The following PCNT variants were observed in gnomAD, a reference collection of about 807,000 sequenced individuals.
The protein encoded by PCNT is pericentrin, also known as kendrin.
In PCNT, 319 loss-of-function variants were observed where a neutral mutation model predicts 380.4. That is an observed-to-expected ratio of 0.84 (90% CI 0.77 to 0.92). PCNT has a LOEUF of 0.92. Ranked by LOEUF, PCNT falls within the 40% of genes least tolerant of loss-of-function variation. The pLI is 0.00. For synonymous variants in PCNT, 1,845 were observed against 1,735.2 expected, an observed-to-expected ratio of 1.06 and a Z score of -1.57; for missense variants, 4,400 against 4,255.3, an observed-to-expected ratio of 1.03 and a Z score of -0.95.
chr21:46,413,537 A>G (rs1478502605), intron 29 of PCNT, among the ~76,000 whole-genome samples: 1 of 152,238 alleles, frequency 6.6e-6, no homozygotes, highest in Non-Finnish European at 1.5e-5. Flanking sequence ...GAAATTTCGT[A>G]CGTGCTTCAT....
Position 46,357,064 on chromosome 21 carries a change from A to C in PCNT, c.2027A>C (p.Glu676Ala). 1 of 1,614,194 alleles carries C rather than the reference A, an allele frequency of 6.2e-7. No homozygotes were observed. The highest frequency in any genetic ancestry group is 8.5e-7 in the Non-Finnish European group (1 of 1,180,002). Reference sequence around the variant, plus strand: ...GCCAGAGTCTTGGGTCTGGAAACTGAGCACAAGGTGCAACTTTCGCTTCTT... The same window carrying C: ...GCCAGAGTCTTGGGTCTGGAAACTGCGCACAAGGTGCAACTTTCGCTTCTT... ...RAARVLGLET[E>A]HKVQLSLLQT... Residue 676 changes from glutamate (E) to alanine (A), a missense_variant, in exon 13 of 47, where the codon GAG becomes GCG. Coordinates refer to ENST00000359568, the MANE Select transcript of PCNT (RefSeq NM_006031.6).
intron 17 of PCNT, among the ~76,000 whole-genome samples, chr21:46,386,791 T>C (rs1230374135): frequency 6.6e-6 from 1 of 152,252 alleles, no homozygotes; most frequent in Non-Finnish European, 1.5e-5. Flanking sequence ...TGCAGAGTTG[T>C]TCTTGCTTGC....
At position 46,411,309 on chromosome 21, in the gene PCNT, A is replaced by T; in HGVS notation, c.5236A>T (p.Ile1746Phe). 1 of 1,614,226 alleles carries T rather than the reference A, an allele frequency of 6.2e-7. No homozygotes were observed. The highest frequency in any genetic ancestry group is 8.5e-7 in the Non-Finnish European group (1 of 1,180,038). ...GGAAATTGAACAACTCCATGAAGTCATTGAGAAGCTGCAGCACGAGCTGTC... is the reference window on the plus strand; with the variant it reads ...GGAAATTGAACAACTCCATGAAGTCTTTGAGAAGCTGCAGCACGAGCTGTC... ...AEEIEQLHEVIEKLQHELSLM... is the reference protein window; with the variant it reads ...AEEIEQLHEVFEKLQHELSLM... The change falls in exon 28 of 47, where the codon ATT becomes TTT. Residue 1746 changes from isoleucine (I) to phenylalanine (F), a missense_variant. Coordinates refer to ENST00000359568, the MANE Select transcript of PCNT (RefSeq NM_006031.6).
chr21:46,407,896 C>T (rs1025464989), intron 27 of PCNT, among the ~76,000 whole-genome samples: 21 of 152,062 alleles, frequency 1.4e-4, no homozygotes, highest in African/African-American at 4.3e-4. Context: ...TTATTGGCTT[C>T]CTTCTATTTA....
chr21:46,331,029 T>G (rs1226433992), intron 2 of PCNT, among the ~76,000 whole-genome samples: 1 of 151,484 alleles, frequency 6.6e-6, no homozygotes, highest in Non-Finnish European at 1.5e-5. Flanking sequence ...TGTGTGTGTT[T>G]GTGTGTGTGT....
intron 17 of PCNT, 112 bp downstream of exon 17, chr21:46,386,095 C>T (rs529980916): frequency 1.0e-5 from 13 of 1,283,496 alleles, no homozygotes; most frequent in East Asian, 4.7e-5. Flanking sequence ...CCACCATGCA[C>T]GCTGGCTCCT....
intron 15 of PCNT, among the ~76,000 whole-genome samples, chr21:46,368,026 G>A (rs1249783924): frequency 6.6e-6 from 1 of 152,114 alleles, no homozygotes; most frequent in Non-Finnish European, 1.5e-5. Context: ...GTGGGGGCAC[G>A]CACCTGTAGT....
At chr21:46,403,487 CGTG>C (rs1398798732) in intron 27 of PCNT, among the ~76,000 whole-genome samples, 1 of 107,888 alleles carries the variant, frequency 9.3e-6, no homozygotes, top group Non-Finnish European at 1.9e-5. Context: ...ATGAACACAG[CGTG>C]GGAGAATTGT....
chr21:46,388,879 C>T lies in PCNT; in HGVS notation c.3602C>T (p.Ser1201Leu), dbSNP rs1463304274. 20 of 1,601,294 alleles carry T rather than the reference C, an allele frequency of 1.2e-5. No individual in the cohort carries two copies. Among genetic ancestry groups the T allele is most frequent in the Non-Finnish European group, 1.7e-5 (20 of 1,178,130 alleles). Residue 1201 changes from serine to leucine, a missense_variant, in exon 18 of 47, where the codon TCG (serine) becomes TTG (leucine). Physicochemically the swap from Ser to Leu is moderately radical, Grantham distance 145. Coordinates refer to ENST00000359568, the MANE Select transcript of PCNT (RefSeq NM_006031.6). The surrounding 1 kb of genome is among the most constrained non-coding windows in gnomAD (Gnocchi z 4.2). ...GACGCGGGCGCAGGCCTGGCCCTGT[C>T]GACAGGTGAGTGTGCCGGGACCAGC... ...LDDAGAGLAL[S>L]TAPALEETWS... is the part of the protein sequence containing the mutation.
At chr21:46,326,048 A>G (rs1196437689) in intron 1 of PCNT, among the ~76,000 whole-genome samples, 4 of 152,242 alleles carry the variant, frequency 2.6e-5, no homozygotes, top group African/African-American at 4.8e-5. Context: ...AAACTTAAAT[A>G]TGCCTTGATT....
intron 16 of PCNT, among the ~76,000 whole-genome samples, chr21:46,383,186 A>G (rs1323165914): frequency 6.8e-6 from 1 of 147,676 alleles, no homozygotes; most frequent in Non-Finnish European, 1.5e-5. Flanking sequence ...TTGTATATTC[A>G]GTGGCGGAAG....
chr21:46,372,363 CAT>C (rs1434664900), intron 15 of PCNT, among the ~76,000 whole-genome samples: 7 of 151,914 alleles, frequency 4.6e-5, no homozygotes, highest in South Asian at 2.1e-4. Context: ...TTACACAGCA[CAT>C]GTTCATACAG....
chr21:46,376,962 C>A (rs1569220452), intron 15 of PCNT, among the ~76,000 whole-genome samples: 1 of 152,300 alleles, frequency 6.6e-6, no homozygotes, highest in East Asian at 1.9e-4. Flanking sequence ...TTGTGCCGTG[C>A]GAACCCGTTT....
rs564903361 is a variant in PCNT, at chr21:46,359,648, C to G, written c.2154+2457C>G. Among the ~76,000 whole-genome samples the G allele has an allele frequency of 1.7e-4, 24 of 141,292 alleles. 2 individuals carry two copies. Among genetic ancestry groups the G allele is most frequent in the African/African-American group, 5.8e-4 (22 of 38,246 alleles). The allele number at this position is 141,292 out of a possible 152,430, so 92.7% of individuals were successfully genotyped here. A position where few individuals can be genotyped will look rare whatever the true frequency, so the allele number is the denominator to read the frequency against. The stretch of plus-strand genomic sequence containing the variant: ...GGACTACAGGCACGTGCCACCACAC[C>G]CGGCTAATTTTTGTATTTTTAATAG... On this transcript the variant is annotated intron_variant, in intron 13 of 46. Coordinates refer to ENST00000359568, the MANE Select transcript of PCNT (RefSeq NM_006031.6).
chr21:46,413,506 C>T (rs80113805), intron 29 of PCNT, among the ~76,000 whole-genome samples: 6,279 of 152,314 alleles, frequency 0.041, 195 homozygotes, highest in Non-Finnish European at 0.062. Flanking sequence ...TGTTCTGTAA[C>T]GAGCTGTCCA....
At position 46,382,079 on chromosome 21, in the gene PCNT, G is replaced by A. The variant is rs573566407; in HGVS notation, c.3312+239G>A. Among the ~76,000 whole-genome samples, 41 of 146,582 alleles carry A rather than the reference G, an allele frequency of 2.8e-4. 2 individuals carry two copies. Among genetic ancestry groups the A allele is most frequent in the African/African-American group, 8.0e-4 (32 of 40,090 alleles). On this transcript the variant is annotated intron_variant, in intron 16 of 46. Coordinates refer to ENST00000359568, the MANE Select transcript of PCNT (RefSeq NM_006031.6). ...TTCACCATGTTGTATATTCAGTGGC[G>A]GAAGCGCATTCATAGTGTTCTGCAT...
intron 31 of PCNT, among the ~76,000 whole-genome samples, chr21:46,418,610 A>G (rs2087123051): frequency 6.6e-6 from 1 of 152,248 alleles, no homozygotes; most frequent in African/African-American, 2.4e-5. Context: ...TTGTCCCAGT[A>G]GTGTCCTTTA....
Position 46,438,164 on chromosome 21 carries a change from A to G in PCNT, c.9100A>G (p.Lys3034Glu), listed in dbSNP as rs1489920988. 5 of 1,611,858 alleles carry G rather than the reference A, an allele frequency of 3.1e-6. No homozygotes were observed. The South Asian group carries it at 3.3e-5, about 11-fold the overall frequency. ...ACAAATTTATTTTCTTTTCTCCAAG[A>G]AAAAAATGGCAGCAGAGCTGCAGTT... ...SDLSRPTSSQ[K>E]KMAAELQFQF... The change falls in exon 41 of 47, where the codon AAA (lysine) becomes GAA (glutamate). Residue 3034 changes from lysine (K) to glutamate (E), a missense_variant and splice_region_variant. Transcript: ENST00000359568.
Position 46,391,182 on chromosome 21 carries a change from A to G in PCNT, c.4022A>G (p.Lys1341Arg), listed in dbSNP as rs758800633. 2 of 1,604,198 alleles carry G rather than the reference A, an allele frequency of 1.2e-6. No homozygotes were observed. Among genetic ancestry groups the G allele is most frequent in the East Asian group, 2.2e-5 (1 of 44,622 alleles). The change falls in exon 21 of 47, where the codon AAG becomes AGG. Residue 1341 changes from lysine to arginine, a missense_variant. Coordinates refer to ENST00000359568, the MANE Select transcript of PCNT (RefSeq NM_006031.6). ...CACAAAGGTACCCTTGAGGGATTCA[A>G]GGTGGAGACAGCAGATCTGAAGGAG... ...HKTQGTLEGF[K>R]VETADLKEVL...
Sources: allele counts gnomAD v4.1 joint callset (sites outside exome capture counted in the v4.1 genomes callset), GRCh38; gene constraint gnomAD v4.1.1; non-coding constraint Gnocchi (gnomAD v3.1); transcripts MANE v1.5; gene names NCBI Gene and HGNC (gene_info 2026-07-23, HGNC 2026-07-21).